Variants in ARHGAP24 observed in about 807,000 individuals in gnomAD.
ARHGAP24 encodes the protein Rho GTPase activating protein 24.
Under a neutral mutation model 76.4 loss-of-function variants are expected in ARHGAP24, and 50 were observed. The observed-to-expected ratio is 0.65, with a 90% CI of 0.52 to 0.83. The LOEUF (loss-of-function observed/expected upper bound fraction) is 0.83, where lower values mean the gene tolerates loss of function less well. Ranked by LOEUF, ARHGAP24 falls within the 40% of genes least tolerant of loss-of-function variation. ARHGAP24 has a pLI of 0.00. For synonymous variants in ARHGAP24, 345 were observed against 323.3 expected (o/e 1.07, Z -0.72); for missense variants, 930 against 914.2 (o/e 1.02, Z -0.22).
chr4:85,558,190 C>T (rs1726463748), intron 1 of ARHGAP24, among the ~76,000 whole-genome samples: 1 of 152,126 alleles, frequency 6.6e-6, no homozygotes, highest in Non-Finnish European at 1.5e-5. Flanking sequence ...AAGCCCATCC[C>T]TTTAGCAAAG....
chr4:85,540,530 CTA>C (rs1460107364), intron 1 of ARHGAP24, among the ~76,000 whole-genome samples: 8 of 152,286 alleles, frequency 5.3e-5, no homozygotes, highest in Admixed American at 4.6e-4. Flanking sequence ...GCATAGTTTA[CTA>C]CAACATGTAT....
intron 3 of ARHGAP24, among the ~76,000 whole-genome samples, chr4:85,823,691 G>T (rs187854305): frequency 2.7e-4 from 41 of 152,272 alleles, no homozygotes; most frequent in African/African-American, 9.6e-4. Flanking sequence ...CTACGAGGCT[G>T]TATTTTGACA....
At chr4:85,655,234 A>G (rs1010421722) in intron 2 of ARHGAP24, among the ~76,000 whole-genome samples, 6 of 152,200 alleles carry the variant, frequency 3.9e-5, no homozygotes, top group African/African-American at 1.4e-4. Flanking sequence ...TGCCCTTAAA[A>G]TTACATAATT....
chr4:85,754,249 A>T (rs1469399233), intron 3 of ARHGAP24, among the ~76,000 whole-genome samples: 4 of 152,230 alleles, frequency 2.6e-5, no homozygotes. Context: ...GCTGCTGCAA[A>T]TGACAGAATT....
chr4:85,884,834 T>G (rs1733469637), intron 3 of ARHGAP24, among the ~76,000 whole-genome samples: 1 of 152,138 alleles, frequency 6.6e-6, no homozygotes, highest in Non-Finnish European at 1.5e-5. Flanking sequence ...TCAACTAAAA[T>G]TGTTATTTTA....
intron 3 of ARHGAP24, among the ~76,000 whole-genome samples, chr4:85,797,321 C>T (rs762703325): frequency 1.3e-5 from 2 of 151,950 alleles, no homozygotes; most frequent in East Asian, 1.9e-4. Context: ...TACAGGCGCC[C>T]GCCACCACGC....
At chr4:85,728,573 G>A (rs1725268511) in intron 3 of ARHGAP24, among the ~76,000 whole-genome samples, 1 of 152,084 alleles carries the variant, frequency 6.6e-6, no homozygotes, top group South Asian at 2.1e-4. Flanking sequence ...TAACTCCACA[G>A]ACCTATTTTG....
intron 3 of ARHGAP24, among the ~76,000 whole-genome samples, chr4:85,727,861 G>A (rs1009814451): frequency 3.3e-5 from 5 of 152,034 alleles, no homozygotes; most frequent in African/African-American, 1.2e-4. Context: ...AGTAGGAGGT[G>A]TTCTTTCCTC....
At chr4:85,983,283 A>G (rs897890901) in intron 8 of ARHGAP24, among the ~76,000 whole-genome samples, 16 of 152,198 alleles carry the variant, frequency 1.1e-4, no homozygotes, top group Non-Finnish European at 1.9e-4. Flanking sequence ...TCCTTTGGGT[A>G]TATACCCAGT....
rs573350320 is a variant in ARHGAP24, at chr4:85,527,166, G to C, written c.-20-43356G>C. 2.0e-3 allele frequency among the ~76,000 whole-genome samples: 298 copies of C among 152,108 alleles called. 1 individual carries two copies. The highest frequency in any genetic ancestry group is 8.5e-3 in the South Asian group (41 of 4,810). On this transcript the variant is annotated intron_variant, in intron 1 of 9. Transcript: ENST00000395184. ...AAAGTTGAAGAAGGAATAGTTCAAGGGACAATGCTGTCTTTTCTGAGGCTG... is the reference window on the plus strand; with the variant it reads ...AAAGTTGAAGAAGGAATAGTTCAAGCGACAATGCTGTCTTTTCTGAGGCTG...
chr4:85,693,122 T>C (rs1362737600), intron 2 of ARHGAP24, among the ~76,000 whole-genome samples: 1 of 152,078 alleles, frequency 6.6e-6, no homozygotes, highest in Non-Finnish European at 1.5e-5. Context: ...CAATTAAGAG[T>C]AATGTCCAGT....
At chr4:85,745,645 A>C (rs537815345) in intron 3 of ARHGAP24, among the ~76,000 whole-genome samples, 1 of 151,936 alleles carries the variant, frequency 6.6e-6, no homozygotes, top group Admixed American at 6.6e-5. Context: ...CTGTGTACCT[A>C]CTTGCATACT....
At chr4:85,747,059 T>C (rs1726068371) in intron 3 of ARHGAP24, among the ~76,000 whole-genome samples, 1 of 152,160 alleles carries the variant, frequency 6.6e-6, no homozygotes, top group Non-Finnish European at 1.5e-5. Flanking sequence ...TACAAATGCA[T>C]ATGAGAGTAG....
chr4:85,603,253 GCTGA>G (rs1245136167), intron 2 of ARHGAP24, among the ~76,000 whole-genome samples: 3 of 152,140 alleles, frequency 2.0e-5, no homozygotes, highest in Admixed American at 6.5e-5. Flanking sequence ...TATTTGAAGT[GCTGA>G]CTATTTAGAA....
Position 85,531,917 on chromosome 4 carries a change from T to C in ARHGAP24, c.-20-38605T>C, listed in dbSNP as rs569298377. ...TGGGTCTGTGTTTTATTTTTACCTATTTATTACCAACTAACACCTAGTAGA... is the reference window on the plus strand; with the variant it reads ...TGGGTCTGTGTTTTATTTTTACCTACTTATTACCAACTAACACCTAGTAGA... On this transcript the variant is annotated intron_variant, in intron 1 of 9. Coordinates refer to ENST00000395184, the MANE Select transcript of ARHGAP24 (RefSeq NM_001025616.3). Among the ~76,000 whole-genome samples, 15 of 152,196 alleles carry C rather than the reference T, an allele frequency of 9.9e-5. No homozygotes were observed. In the South Asian group the frequency reaches 3.1e-3, roughly 32 times the overall value.
chr4:85,663,471 C>T (rs1722487070), intron 2 of ARHGAP24, among the ~76,000 whole-genome samples: 1 of 150,174 alleles, frequency 6.7e-6, no homozygotes. Context: ...CAAACAGGGA[C>T]AATTTGACTT....
At chr4:85,982,552 A>G (rs903719450) in intron 8 of ARHGAP24, among the ~76,000 whole-genome samples, 2 of 152,094 alleles carry the variant, frequency 1.3e-5, no homozygotes, top group African/African-American at 2.4e-5. Context: ...ACAGCAACCA[A>G]ACTTTCAGGA....
At chr4:85,867,907 A>ATATATATAAACATATATAATGTGTGTGTG (rs372968277) in intron 3 of ARHGAP24, among the ~76,000 whole-genome samples, 2 of 144,918 alleles carry the variant, frequency 1.4e-5, no homozygotes, top group Admixed American at 1.4e-4. Context: ...ACATATATAT[A>ATATATATAAACATATATAATGTGTGTGTG]TACATATATG....
At chr4:85,783,094 C>A (rs1727639383) in intron 3 of ARHGAP24, among the ~76,000 whole-genome samples, 1 of 151,926 alleles carries the variant, frequency 6.6e-6, no homozygotes, top group Admixed American at 6.6e-5. Context: ...CTGTAAATTG[C>A]CAGAAGAAAA....
Sources: allele counts gnomAD v4.1 joint callset (sites outside exome capture counted in the v4.1 genomes callset), GRCh38; gene constraint gnomAD v4.1.1; transcripts MANE v1.5; gene names NCBI Gene and HGNC (gene_info 2026-07-23, HGNC 2026-07-21).